The following TNS1 variants were observed in gnomAD, a reference collection of about 807,000 sequenced individuals.
TNS1 encodes the protein tensin 1.
A neutral mutation model predicts 168.6 loss-of-function variants in TNS1; 62 were observed. That is an observed-to-expected ratio of 0.37 (90% confidence interval 0.30 to 0.45). TNS1 has a LOEUF of 0.45. TNS1 is among the 20% of genes least tolerant of loss of function. The pLI, the probability that TNS1 is intolerant of heterozygous loss-of-function variation, is 1.00. For synonymous variants in TNS1, 934 were observed against 933.2 expected, an observed-to-expected ratio of 1.00 and a Z score of -0.02; for missense variants, 2,240 against 2,339.4, an observed-to-expected ratio of 0.96 and a Z score of 0.88.
At chr2:217,954,466 A>G (rs745798013) in intron 3 of TNS1, among the ~76,000 whole-genome samples, 1 of 152,122 alleles carries the variant, frequency 6.6e-6, no homozygotes, top group Non-Finnish European at 1.5e-5. Context: ...CGGGTACTCT[A>G]TCTGGTTTAT....
At chr2:217,977,111 C>T (rs77175568) in intron 3 of TNS1, among the ~76,000 whole-genome samples, 2,707 of 152,236 alleles carry the variant, frequency 0.018, 92 homozygotes, top group African/African-American at 0.06. Context: ...AAGCACTGTA[C>T]AAATGTCCAT....
At position 217,817,799 on chromosome 2, in the gene TNS1, G is replaced by T; in HGVS notation, c.4533C>A (p.Ile1511=). The T allele has an allele frequency of 6.2e-7, 1 of 1,614,266 alleles. No individual in the cohort carries two copies. The highest frequency in any genetic ancestry group is 8.5e-7 in the Non-Finnish European group (1 of 1,180,044). ...RAGSLPNYAT[I]NGKVSSPVAS... is the part of the protein sequence containing the mutation. ...CGACAGGCGAAGACACCTTCCCATTGATGGTGGCATAGTTGGGGAGGCTGC... is the reference window on the plus strand; with the variant it reads ...CGACAGGCGAAGACACCTTCCCATTTATGGTGGCATAGTTGGGGAGGCTGC... The change falls in exon 24 of 33, where the codon ATC becomes ATA. Residue 1511 remains isoleucine (I), a synonymous_variant. Coordinates refer to ENST00000682258, the MANE Select transcript of TNS1 (RefSeq NM_001387777.1).
chr2:217,958,387 C>A (rs927312392), intron 3 of TNS1, among the ~76,000 whole-genome samples: 2 of 152,192 alleles, frequency 1.3e-5, no homozygotes, highest in African/African-American at 4.8e-5. Context: ...CTTCCCAAAC[C>A]GTCGTCTGCA....
intron 3 of TNS1, among the ~76,000 whole-genome samples, chr2:217,961,235 TCACACA>T (rs146341310): frequency 6.2e-5 from 9 of 144,942 alleles, no homozygotes; most frequent in East Asian, 2.0e-4. Context: ...TCTCTCTCTC[TCACACA>T]CACACACACA....
intron 24 of TNS1, among the ~76,000 whole-genome samples, 179 bp downstream of exon 24, chr2:217,817,511 G>A (rs561624922): frequency 1.2e-4 from 19 of 152,228 alleles, no homozygotes; most frequent in Non-Finnish European, 2.2e-4. Flanking sequence ...CACAGCACAC[G>A]TATCGTAAGG....
intron 3 of TNS1, among the ~76,000 whole-genome samples, chr2:217,936,497 T>C (rs1401748863): frequency 1.3e-5 from 2 of 152,002 alleles, no homozygotes. Context: ...GGAGATGAAG[T>C]GACTTGGGAG....
chr2:217,802,373 G>A lies in TNS1; in HGVS notation c.*2086C>T, dbSNP rs376899615. On this transcript the variant is annotated 3_prime_UTR_variant, in exon 33 of 33. Coordinates refer to ENST00000682258, the MANE Select transcript of TNS1 (RefSeq NM_001387777.1). ...CCTTTCCAACTCCCTGAAACAGAAC[G>A]TCCACACTGACACAGCTCCTTGGAG... 4 of 152,226 alleles carry A rather than the reference G, an allele frequency of 2.6e-5. No homozygotes were observed. Among genetic ancestry groups the A allele is most frequent in the Non-Finnish European group, 5.9e-5 (4 of 68,054 alleles). The allele number at this position is 152,226 out of a possible 1,614,324, so 9.4% of individuals were successfully genotyped here. A position where few individuals can be genotyped will look rare whatever the true frequency, so the allele number is the denominator to read the frequency against.
intron 18 of TNS1, among the ~76,000 whole-genome samples, chr2:217,879,755 T>C (rs1559288803): frequency 6.6e-6 from 1 of 151,864 alleles, no homozygotes; most frequent in Non-Finnish European, 1.5e-5. Context: ...TCCAAAACCT[T>C]GGGGAGGGAG....
chr2:217,810,813 A>G (rs1940732896), intron 28 of TNS1, among the ~76,000 whole-genome samples: 1 of 152,172 alleles, frequency 6.6e-6, no homozygotes, highest in African/African-American at 2.4e-5. Flanking sequence ...TGATGGATAT[A>G]TTAGCATATT....
chr2:218,010,178 C>G, exon 1 of TNS1: 2 of 399,092 alleles, frequency 5.0e-6, no homozygotes, highest in Non-Finnish European at 8.8e-6. Context: ...AGGAGAAGCA[C>G]CAACTCAGCC....
chr2:217,879,401 C>T, intron 18 of TNS1: 1 of 453,382 alleles, frequency 2.2e-6, no homozygotes, highest in South Asian at 1.6e-5. Flanking sequence ...CCAGCCTCTG[C>T]TTTCTGCTTG....
intron 4 of TNS1, among the ~76,000 whole-genome samples, chr2:217,911,132 G>A (rs1327738049): frequency 6.6e-6 from 1 of 152,190 alleles, no homozygotes; most frequent in Non-Finnish European, 1.5e-5. Context: ...CCAGGACAAA[G>A]CCTGGAGCTT....
intron 4 of TNS1, among the ~76,000 whole-genome samples, chr2:217,909,937 T>G (rs1453558560): frequency 6.6e-6 from 1 of 152,164 alleles, no homozygotes; most frequent in South Asian, 2.1e-4. Context: ...ATAAAGCACA[T>G]AAAGCACTTA....
chr2:217,961,252 C>CAG (rs778105340), intron 3 of TNS1, among the ~76,000 whole-genome samples: 1 of 141,676 alleles, frequency 7.1e-6, no homozygotes, highest in African/African-American at 2.7e-5. Context: ...CACACACACA[C>CAG]ACACACACAG....
At position 217,850,586 on chromosome 2, in the gene TNS1, C is replaced by G. The variant is rs1041629613; in HGVS notation, c.1430-1499G>C. ...GCCCAGCCACCAGCCCCGACAGACA[C>G]ACACACACACACACACACACACACA... On this transcript the variant is annotated intron_variant, in intron 18 of 32. Transcript: ENST00000682258. 5.6e-3 allele frequency: 2,599 copies of G among 467,900 alleles called. 2 individuals are homozygous for G. The highest frequency in any genetic ancestry group is 6.1e-3 in the Non-Finnish European group (2,426 of 395,974). The allele number at this position is 467,900 out of a possible 1,614,324, so 29.0% of individuals were successfully genotyped here.
intron 29 of TNS1, 24 bp from the exon 30 acceptor site, chr2:217,810,015 G>GAAACCAAACC: frequency 6.2e-7 from 1 of 1,606,960 alleles, no homozygotes. Flanking sequence ...ACCCAAGGGG[G>GAAACCAAACC]AGTCATGGGA....
intron 6 of TNS1, chr2:217,903,708 G>A: frequency 9.5e-7 from 1 of 1,047,130 alleles, no homozygotes. Context: ...ATTTCCTCCT[G>A]GTATCTAACC....
At chr2:217,852,842 A>G (rs746791645) in intron 18 of TNS1, among the ~76,000 whole-genome samples, 2 of 152,192 alleles carry the variant, frequency 1.3e-5, no homozygotes, top group Non-Finnish European at 2.9e-5. Flanking sequence ...CCTGTTCGCT[A>G]ACTACAAATG....
intron 3 of TNS1, among the ~76,000 whole-genome samples, chr2:217,932,367 G>A (rs1289209024): frequency 6.6e-6 from 1 of 152,200 alleles, no homozygotes; most frequent in Non-Finnish European, 1.5e-5. Flanking sequence ...TCTGTAAAAT[G>A]GGGGTGAGAT....
Sources: allele counts gnomAD v4.1 joint callset (sites outside exome capture counted in the v4.1 genomes callset), GRCh38; gene constraint gnomAD v4.1.1; transcripts MANE v1.5; gene names NCBI Gene and HGNC (gene_info 2026-07-23, HGNC 2026-07-21).